Variants in KLHL29 observed in about 807,000 individuals in gnomAD.
The protein encoded by KLHL29 is kelch like family member 29.
KLHL29 carries 21 observed loss-of-function variants against 80.4 expected under a neutral mutation model. That is an observed-to-expected ratio of 0.26 (90% CI 0.19 to 0.38). KLHL29 has a LOEUF of 0.38. Among genes scored for constraint, KLHL29 ranks in the 10% least tolerant of loss-of-function variants. The pLI, the probability that KLHL29 is intolerant of heterozygous loss-of-function variation, is 1.00. For missense variants in KLHL29, 867 were observed against 1,223.9 expected, an observed-to-expected ratio of 0.71 and a Z score of 4.35; for synonymous variants, 511 against 526.8, an observed-to-expected ratio of 0.97 and a Z score of 0.41.
At chr2:23,591,603 T>C (rs574044583) in intron 3 of KLHL29, among the ~76,000 whole-genome samples, 1 of 151,982 alleles carries the variant, frequency 6.6e-6, no homozygotes, top group South Asian at 2.1e-4. Flanking sequence ...GTTAAACCTC[T>C]CCACTGTCCA....
chr2:23,496,786 C>T (rs1378516480), intron 2 of KLHL29, among the ~76,000 whole-genome samples: 2 of 152,162 alleles, frequency 1.3e-5, no homozygotes, highest in Non-Finnish European at 2.9e-5. Context: ...GAATGCAGAC[C>T]CAGGGACTCA....
At chr2:23,546,698 CTG>C (rs1432408670) in intron 2 of KLHL29, among the ~76,000 whole-genome samples, 8 of 152,184 alleles carry the variant, frequency 5.3e-5, no homozygotes, top group African/African-American at 1.9e-4. Flanking sequence ...AACCAGTACT[CTG>C]TGGGAGCTGC....
intron 3 of KLHL29, among the ~76,000 whole-genome samples, chr2:23,615,447 C>T (rs1277572142): frequency 1.3e-5 from 2 of 152,160 alleles, no homozygotes; most frequent in African/African-American, 2.4e-5. Flanking sequence ...TCAGGACACT[C>T]GGAGCATCTC....
chr2:23,492,756 T>C (rs1209839943), intron 2 of KLHL29, among the ~76,000 whole-genome samples: 1 of 152,094 alleles, frequency 6.6e-6, no homozygotes, highest in Non-Finnish European at 1.5e-5. Flanking sequence ...AGAGAGGTGA[T>C]ATCCTTAGAG....
chr2:23,670,178 A>G (rs1479105192), intron 5 of KLHL29: 1 of 152,176 alleles, frequency 6.6e-6, no homozygotes, highest in Non-Finnish European at 1.5e-5. Flanking sequence ...CGGCGGCTCC[A>G]CCTACCTGAG....
At chr2:23,507,967 C>T (rs2103459728) in intron 2 of KLHL29, among the ~76,000 whole-genome samples, 1 of 152,334 alleles carries the variant, frequency 6.6e-6, no homozygotes, top group East Asian at 1.9e-4. Context: ...TTTAGACACT[C>T]AGACTGGAAA....
intron 5 of KLHL29, among the ~76,000 whole-genome samples, chr2:23,676,472 G>C (rs566336724): frequency 6.6e-6 from 1 of 152,038 alleles, no homozygotes; most frequent in African/African-American, 2.4e-5. Flanking sequence ...GTGAGCCACC[G>C]CACCTGGCCG....
At chr2:23,411,499 C>T (rs1415610046) in intron 1 of KLHL29, among the ~76,000 whole-genome samples, 1 of 150,058 alleles carries the variant, frequency 6.7e-6, no homozygotes, top group Admixed American at 6.7e-5. Flanking sequence ...GACCTCTAAG[C>T]TGCCAAGGTA....
chr2:23,533,442 ATGGCATT>A (rs1256686103), intron 2 of KLHL29, among the ~76,000 whole-genome samples: 1 of 152,168 alleles, frequency 6.6e-6, no homozygotes, highest in Non-Finnish European at 1.5e-5. Context: ...AGCAGGATTC[ATGGCATT>A]TGGCGTCAGA....
In KLHL29 at chr2:23,562,772, C is replaced by G. The variant is rs1450045087; in HGVS notation, c.285+291C>G. Among the ~76,000 whole-genome samples, 1 of 152,194 alleles carries G rather than the reference C, an allele frequency of 6.6e-6. No homozygotes were observed. The highest frequency in any genetic ancestry group is 1.5e-5 in the Non-Finnish European group (1 of 68,036). On this transcript the variant is annotated intron_variant, in intron 3 of 13. Transcript: ENST00000486442. This position sits in a 1 kb window ranked among gnomAD's most constrained non-coding sequence, Gnocchi z 4.5. Reference sequence around the variant, plus strand: ...TAGATGCTATTAATGAGTGAAGTAACAGTGGACCTCCAAGATGGCAATATG... The same window carrying G: ...TAGATGCTATTAATGAGTGAAGTAAGAGTGGACCTCCAAGATGGCAATATG...
chr2:23,638,460 G>A (rs1407174886), intron 3 of KLHL29, among the ~76,000 whole-genome samples: 1 of 152,002 alleles, frequency 6.6e-6, no homozygotes, highest in Non-Finnish European at 1.5e-5. Context: ...GGCTCATGGA[G>A]CAGAAAGCCT....
chr2:23,597,149 T>G (rs1300229052), intron 3 of KLHL29, among the ~76,000 whole-genome samples: 1 of 151,902 alleles, frequency 6.6e-6, no homozygotes, highest in Non-Finnish European at 1.5e-5. Flanking sequence ...AGGCATTTGC[T>G]TATCATTTTT....
At chr2:23,432,445 C>G (rs1414801230) in intron 1 of KLHL29, among the ~76,000 whole-genome samples, 1 of 152,222 alleles carries the variant, frequency 6.6e-6, no homozygotes, top group African/African-American at 2.4e-5. Context: ...ATTTTCCAGT[C>G]ACATGCTGTG....
At chr2:23,610,839 T>C (rs901214044) in intron 3 of KLHL29, among the ~76,000 whole-genome samples, 12 of 152,256 alleles carry the variant, frequency 7.9e-5, no homozygotes, top group Admixed American at 7.2e-4. Flanking sequence ...GATAAATATT[T>C]GCAGCAGTAA....
chr2:23,510,929 A>G (rs1665753576), intron 2 of KLHL29, among the ~76,000 whole-genome samples: 2 of 152,242 alleles, frequency 1.3e-5, no homozygotes, highest in Admixed American at 6.5e-5. Context: ...AGTTTGGCCA[A>G]TATGAGTTTG....
chr2:23,618,845 G>A (rs1171309095), intron 3 of KLHL29, among the ~76,000 whole-genome samples: 1 of 152,170 alleles, frequency 6.6e-6, no homozygotes, highest in African/African-American at 2.4e-5. Context: ...GTGTCCTCTA[G>A]GAGAAGAAAG....
intron 1 of KLHL29, among the ~76,000 whole-genome samples, chr2:23,421,551 T>A (rs1009055992): frequency 6.9e-6 from 1 of 145,646 alleles, no homozygotes; most frequent in African/African-American, 2.7e-5. Flanking sequence ...TGTGTGTGTG[T>A]GTGTGTGTGT....
chr2:23,422,791 T>A (rs942878069), intron 1 of KLHL29, among the ~76,000 whole-genome samples: 3 of 152,138 alleles, frequency 2.0e-5, no homozygotes, highest in African/African-American at 7.2e-5. Context: ...TGTGTGTGTG[T>A]TCGTGTGTCT....
rs1293189746 is a variant in KLHL29 at position 23,707,414 on chromosome 2, G to C, written c.*750G>C. ...AAAAGGCTATTTTTAAGTACTGAGA[G>C]GAGGAGCAGGCCACAAGAGGGATAA... is the stretch of plus-strand genomic sequence containing the variant. On this transcript the variant is annotated 3_prime_UTR_variant, in exon 14 of 14. Coordinates refer to ENST00000486442, the MANE Select transcript of KLHL29 (RefSeq NM_052920.2). 1.3e-5 allele frequency: 2 copies of C among 152,216 alleles called. No individual in the cohort carries two copies. The highest frequency in any genetic ancestry group is 3.9e-4 in the East Asian group (2 of 5,194). 9.4% of individuals were successfully genotyped at this position (152,216 alleles called of 1,614,324 possible).
Sources: allele counts gnomAD v4.1 joint callset (sites outside exome capture counted in the v4.1 genomes callset), GRCh38; gene constraint gnomAD v4.1.1; non-coding constraint Gnocchi (gnomAD v3.1); transcripts MANE v1.5; gene names NCBI Gene and HGNC (gene_info 2026-07-23, HGNC 2026-07-21).